HMGCLL1: variants seen among roughly 807,000 people sequenced by gnomAD.
HMGCLL1 encodes 3-hydroxymethyl-3-methylglutaryl-CoA lyase, cytoplasmic.
A neutral mutation model predicts 39.1 loss-of-function variants in HMGCLL1; 36 were observed. That is an observed-to-expected ratio of 0.92 (90% CI 0.71 to 1.22). The LOEUF (loss-of-function observed/expected upper bound fraction) is 1.22, where lower values mean the gene tolerates loss of function less well. HMGCLL1 is among the 50% of genes most tolerant of loss of function. The probability of loss-of-function intolerance (pLI) is 0.00; values close to 1 mark genes in which losing one functional copy is unlikely to be tolerated. For missense variants in HMGCLL1, 451 were observed against 416.5 expected (o/e 1.08, Z -0.72); for synonymous variants, 149 against 144.0 (o/e 1.03, Z -0.25).
At position 55,478,087 on chromosome 6, in the gene HMGCLL1, G is replaced by GTT. The variant is rs11372906; in HGVS notation, c.795+17330_795+17331dup. ...TGAGCTACTGATTCAGTGAGGTTCTGTTTTTTTTTTTCATTTTTCATAGTT... is the reference window on the plus strand; with the variant it reads ...TGAGCTACTGATTCAGTGAGGTTCTGTTTTTTTTTTTTTCATTTTTCATAGTT... On this transcript the variant is annotated intron_variant, in intron 7 of 8. Coordinates refer to ENST00000274901, the MANE Select transcript of HMGCLL1 (RefSeq NM_001042406.2). Among the ~76,000 whole-genome samples, 319 of 143,090 alleles carry GTT rather than the reference G, an allele frequency of 2.2e-3. 6 individuals are homozygous for GTT. The highest frequency in any genetic ancestry group is 0.019 in the East Asian group (96 of 5,008). 93.9% of individuals were successfully genotyped at this position (143,090 alleles called of 152,430 possible).
rs573856539 is a variant in HMGCLL1 at position 55,512,138 on chromosome 6, C to G, written c.542+1910G>C. ...AACTATTCCATTTTACAACAGAAAG[C>G]TAAGATAATAAAAGGTTACTTCCTA... is the stretch of plus-strand genomic sequence containing the variant. On this transcript the variant is annotated intron_variant, in intron 5 of 8. Coordinates refer to ENST00000274901, the MANE Select transcript of HMGCLL1 (RefSeq NM_001042406.2). The G allele has an allele frequency of 8.5e-5, 13 of 152,136 alleles. No homozygotes were observed. The South Asian group carries it at 2.7e-3, about 32-fold the overall frequency. 9.4% of individuals were successfully genotyped at this position (152,136 alleles called of 1,614,324 possible). A position where few individuals can be genotyped will look rare whatever the true frequency, so the allele number is the denominator to read the frequency against.
intron 7 of HMGCLL1, among the ~76,000 whole-genome samples, chr6:55,492,365 T>G (rs1344450606): frequency 3.3e-5 from 5 of 152,192 alleles, no homozygotes; most frequent in Non-Finnish European, 5.9e-5. Context: ...GCTTATTGTG[T>G]TTTTGTTGTT....
the HMGCLL1 span, among the ~76,000 whole-genome samples, chr6:55,618,254 T>G: frequency 6.6e-6 from 1 of 152,040 alleles, no homozygotes; most frequent in Admixed American, 6.6e-5. Flanking sequence ...TATGTGGGCA[T>G]TTGTATTATA....
chr6:55,601,946 A>G, the HMGCLL1 span, among the ~76,000 whole-genome samples: 3 of 152,128 alleles, frequency 2.0e-5, no homozygotes, highest in African/African-American at 7.2e-5. Flanking sequence ...AAACAAATGC[A>G]ATCCATTCAA....
At chr6:55,521,420 T>C (rs1768036757) in intron 3 of HMGCLL1, among the ~76,000 whole-genome samples, 1 of 152,148 alleles carries the variant, frequency 6.6e-6, no homozygotes, top group Admixed American at 6.6e-5. Flanking sequence ...CTGTGTTTTT[T>C]ACAAATTGAA....
chr6:55,556,985 G>T (rs1581946090), intron 1 of HMGCLL1, among the ~76,000 whole-genome samples: 1 of 152,150 alleles, frequency 6.6e-6, no homozygotes, highest in African/African-American at 2.4e-5. Flanking sequence ...ATTGTTAAAT[G>T]TATTCAAAAC....
intron 1 of HMGCLL1, among the ~76,000 whole-genome samples, chr6:55,549,025 G>A (rs1220200322): frequency 1.3e-5 from 2 of 151,320 alleles, no homozygotes; most frequent in Non-Finnish European, 2.9e-5. Flanking sequence ...TTAAATGGTG[G>A]CTGTTATTTA....
chr6:55,530,013 CA>C (rs1380291638), intron 3 of HMGCLL1, among the ~76,000 whole-genome samples: 2 of 135,882 alleles, frequency 1.5e-5, no homozygotes, highest in Non-Finnish European at 3.0e-5. Context: ...ATGGGTTAAA[CA>C]GACAGAAAAA....
the HMGCLL1 span, among the ~76,000 whole-genome samples, chr6:55,616,451 A>G: frequency 3.0e-3 from 462 of 152,290 alleles, 1 homozygote; most frequent in African/African-American, 0.01. Context: ...TCACAGAAGC[A>G]TGAGCTAATC....
At position 55,434,491 on chromosome 6, in the gene HMGCLL1, G is replaced by A. The variant is rs147358686; in HGVS notation, c.*1171C>T. 305 of 151,660 alleles carry A rather than the reference G, an allele frequency of 2.0e-3. No individual in the cohort carries two copies. The highest frequency in any genetic ancestry group is 6.7e-3 in the African/African-American group (277 of 41,342). 9.4% of individuals were successfully genotyped at this position (151,660 alleles called of 1,614,324 possible). ...AATTTACTCAAAGATAATATCACCC[G>A]GTATTATTAGAGAAGTCTCTCTAAA... On this transcript the variant is annotated 3_prime_UTR_variant, in exon 9 of 9. Coordinates refer to ENST00000274901, the MANE Select transcript of HMGCLL1 (RefSeq NM_001042406.2).
intron 7 of HMGCLL1, among the ~76,000 whole-genome samples, chr6:55,444,350 G>C (rs956438182): frequency 1.3e-5 from 2 of 151,922 alleles, no homozygotes; most frequent in African/African-American, 4.8e-5. Flanking sequence ...ACATATGGGT[G>C]ACGTATATTG....
chr6:55,553,086 T>G (rs1446959694), intron 1 of HMGCLL1, among the ~76,000 whole-genome samples: 1 of 149,644 alleles, frequency 6.7e-6, no homozygotes. Flanking sequence ...AAGATTGCAG[T>G]GAGCCGAGAT....
chr6:55,639,918 GA>G, the HMGCLL1 span, among the ~76,000 whole-genome samples: 11 of 149,000 alleles, frequency 7.4e-5, no homozygotes, highest in African/African-American at 1.5e-4. Flanking sequence ...CTCTCTACTA[GA>G]AAAAAAAAAT....
intron 1 of HMGCLL1, chr6:55,566,764 C>A: frequency 2.9e-6 from 1 of 341,212 alleles, no homozygotes; most frequent in East Asian, 7.7e-5. Context: ...AGAAAAGGAA[C>A]AAATAGGCTT....
intron 3 of HMGCLL1, among the ~76,000 whole-genome samples, chr6:55,537,389 A>G (rs200422224): frequency 1.3e-5 from 2 of 152,338 alleles, no homozygotes; most frequent in East Asian, 1.9e-4. Context: ...AGTAAAATAT[A>G]TAACATAGCC....
At chr6:55,648,687 A>C in the HMGCLL1 span, among the ~76,000 whole-genome samples, 1 of 59,880 alleles carries the variant, frequency 1.7e-5, no homozygotes, top group African/African-American at 6.9e-5. Context: ...ATCTCTGAAT[A>C]GACCAATAAC....
At chr6:55,579,818 T>A (rs4440462), upstream of HMGCLL1, among the ~76,000 whole-genome samples, 78,770 of 151,868 alleles carry the variant, frequency 0.52, 20,841 homozygotes, top group African/African-American at 0.62. Context: ...AAACGGAAAA[T>A]TCTATACAAG....
intron 3 of HMGCLL1, among the ~76,000 whole-genome samples, chr6:55,531,118 C>T (rs964092857): frequency 6.6e-6 from 1 of 152,112 alleles, no homozygotes; most frequent in Non-Finnish European, 1.5e-5. Flanking sequence ...TCCAAGTGAG[C>T]AAGTCGTAAC....
At chr6:55,467,842 G>A (rs1456873589) in intron 7 of HMGCLL1, among the ~76,000 whole-genome samples, 1 of 152,024 alleles carries the variant, frequency 6.6e-6, no homozygotes, top group Non-Finnish European at 1.5e-5. Flanking sequence ...AATGAGTGGT[G>A]CACTGATATG....
Sources: gnomAD v4.1 joint callset for allele counts (sites outside exome capture counted in the v4.1 genomes callset) on GRCh38, gnomAD v4.1.1 for gene constraint, MANE v1.5 for transcripts, NCBI Gene and HGNC (gene_info 2026-07-23, HGNC 2026-07-21) for gene names.